Variants in TUBD1 observed in about 807,000 individuals in gnomAD.
TUBD1 encodes tubulin delta 1, also known as tubulin delta chain.
Under a neutral mutation model 51.2 loss-of-function variants are expected in TUBD1, and 38 were observed. The ratio of observed to expected loss-of-function variants is 0.74; its 90% CI spans 0.57 to 0.97. TUBD1 has a LOEUF of 0.97. Ranked by LOEUF, TUBD1 falls within the 50% of genes least tolerant of loss-of-function variation. The probability of loss-of-function intolerance (pLI) is 0.00; values close to 1 mark genes in which losing one functional copy is unlikely to be tolerated. For missense variants in TUBD1, 489 were observed against 538.4 expected (o/e 0.91, Z 0.91); for synonymous variants, 169 against 178.2 (o/e 0.95, Z 0.41).
Position 59,863,679 on chromosome 17 carries a change from T to A in TUBD1, c.1244A>T (p.Asn415Ile). ...PLDMIVGKAW[N>I]MFASKAYIHQ... ...TTATACTTACTTTGAAGCAAACATA[T>A]TCCATGCCTTCCCAACAATCATATC... The change falls in exon 8 of 9, where the codon AAT becomes ATT. Residue 415 changes from asparagine (N) to isoleucine (I), a missense_variant. Physicochemically the swap from Asn to Ile is moderately radical, Grantham distance 149. Transcript: ENST00000325752. 6.3e-7 allele frequency: 1 copy of A among 1,576,802 alleles called. No individual in the cohort carries two copies. The highest frequency in any genetic ancestry group is 8.6e-7 in the Non-Finnish European group (1 of 1,167,264).
chr17:59,869,375 C>A (rs1205541030), intron 6 of TUBD1, among the ~76,000 whole-genome samples: 1 of 150,998 alleles, frequency 6.6e-6, no homozygotes, highest in Non-Finnish European at 1.5e-5. Context: ...ATTTGGGAGG[C>A]TGAGGCAAAA....
chr17:59,878,489 C>CTTT (rs71370137), intron 4 of TUBD1, 155 bp from the exon 5 acceptor site: 328 of 463,320 alleles, frequency 7.1e-4, no homozygotes, highest in Middle Eastern at 1.2e-3. Flanking sequence ...GCTCAGTTTC[C>CTTT]TTTTTTTTTT....
intron 6 of TUBD1, among the ~76,000 whole-genome samples, chr17:59,868,607 A>AGG (rs538742262): frequency 6.6e-6 from 1 of 151,556 alleles, no homozygotes; most frequent in African/African-American, 2.4e-5. Flanking sequence ...TGCGAGGCAG[A>AGG]GGGGGGGGAT....
chr17:59,865,296 C>A (rs978505599), intron 7 of TUBD1, among the ~76,000 whole-genome samples: 5 of 152,108 alleles, frequency 3.3e-5, no homozygotes, highest in African/African-American at 4.8e-5. Flanking sequence ...GTGGCTCACA[C>A]CTGTAATCCC....
At chr17:59,886,941 T>C (rs1273377497) in intron 2 of TUBD1, among the ~76,000 whole-genome samples, 1 of 151,736 alleles carries the variant, frequency 6.6e-6, no homozygotes, top group Non-Finnish European at 1.5e-5. Context: ...TCCCAGCACT[T>C]TGGGAGGCCG....
chr17:59,863,871 G>T, intron 7 of TUBD1, 24 bp from the exon 8 acceptor site: 1 of 1,438,886 alleles, frequency 6.9e-7, no homozygotes, highest in Non-Finnish European at 9.2e-7. Flanking sequence ...AAGATAAGCC[G>T]TCTTTTTATA....
At chr17:59,874,445 A>G in intron 6 of TUBD1, 94 bp downstream of exon 6, 1 of 1,245,380 alleles carries the variant, frequency 8.0e-7, no homozygotes. Context: ...AAAAGGGACC[A>G]TTATTTAAAC....
chr17:59,892,026 GAAGAA>G, intron 1 of TUBD1: 1 of 152,126 alleles, frequency 6.6e-6, no homozygotes, highest in Admixed American at 6.6e-5. Context: ...AATGCTGATT[GAAGAA>G]ATTAGTAGTA....
Position 59,860,316 on chromosome 17 carries a change from T to C in TUBD1, c.*6A>G. 6.3e-7 allele frequency: 1 copy of C among 1,585,914 alleles called. No homozygotes were observed. The highest frequency in any genetic ancestry group is 8.6e-7 in the Non-Finnish European group (1 of 1,159,150). Reference sequence around the variant, plus strand: ...CCTTAAGGTATACTTTTCCCATTGTTCAAGATCAGAGATTACAGTAACTGG... The same window carrying C: ...CCTTAAGGTATACTTTTCCCATTGTCCAAGATCAGAGATTACAGTAACTGG... On this transcript the variant is annotated 3_prime_UTR_variant, in exon 9 of 9. Transcript: ENST00000325752.
At chr17:59,875,592 T>G (rs2040189654) in intron 5 of TUBD1, among the ~76,000 whole-genome samples, 1 of 151,724 alleles carries the variant, frequency 6.6e-6, no homozygotes, top group African/African-American at 2.4e-5. Flanking sequence ...AAACACTGTT[T>G]CTATTAAAAA....
rs751041526 is a variant in TUBD1, at chr17:59,886,219, G to C, written c.184C>G (p.Arg62Gly). The C allele has an allele frequency of 2.5e-6, 4 of 1,611,124 alleles. No individual in the cohort carries two copies. Among genetic ancestry groups the C allele is most frequent in the African/African-American group, 2.7e-5 (2 of 74,620 alleles). Residue 62 changes from arginine (R) to glycine (G), a missense_variant, in exon 3 of 9, where the codon CGG (arginine) becomes GGG (glycine). Physicochemically the swap from Arg to Gly is moderately radical, Grantham distance 125 (BLOSUM62 -2). Transcript: ENST00000325752. ...GGTTCCATGTCAACAAGAACAGCCCGGGCAATTGGAACTAGAGGGGGAAAA... is the reference window on the plus strand; with the variant it reads ...GGTTCCATGTCAACAAGAACAGCCCCGGCAATTGGAACTAGAGGGGGAAAA... ...SEEENGVPIA[R>G]AVLVDMEPKV... is the part of the protein sequence containing the mutation.
intron 1 of TUBD1, among the ~76,000 whole-genome samples, chr17:59,892,462 T>C (rs1487410389): frequency 6.6e-6 from 1 of 152,180 alleles, no homozygotes; most frequent in African/African-American, 2.4e-5. Context: ...GATAAAGACT[T>C]CACATCAGGT....
At chr17:59,873,899 G>T (rs781470309) in intron 6 of TUBD1, among the ~76,000 whole-genome samples, 15 of 148,840 alleles carry the variant, frequency 1.0e-4, no homozygotes, top group Admixed American at 8.8e-4. Flanking sequence ...AAAATACTGA[G>T]ATATAATTGG....
chr17:59,875,798 G>C (rs1252515794), intron 5 of TUBD1, among the ~76,000 whole-genome samples: 1 of 151,680 alleles, frequency 6.6e-6, no homozygotes, highest in Admixed American at 6.6e-5. Flanking sequence ...GACAAGATTA[G>C]ATATTCCTTA....
intron 6 of TUBD1, among the ~76,000 whole-genome samples, chr17:59,874,188 C>CA (rs78920820): frequency 0.31 from 21,993 of 70,002 alleles, 2,990 homozygotes; most frequent in East Asian, 0.52. Flanking sequence ...GACTCAGTCT[C>CA]AAAAAAAAAA....
intron 8 of TUBD1, among the ~76,000 whole-genome samples, chr17:59,860,629 T>C (rs1332553964): frequency 6.6e-6 from 1 of 151,034 alleles, no homozygotes; most frequent in Admixed American, 6.6e-5. Flanking sequence ...CTCTGTCACC[T>C]AGGCTGGAGT....
In TUBD1 at chr17:59,886,225, T is replaced by C. The variant is rs370691365; in HGVS notation, c.178A>G (p.Ile60Val). ...ATGTCAACAAGAACAGCCCGGGCAA[T>C]TGGAACTAGAGGGGGAAAAAAACCC... ...FFSEEENGVPIARAVLVDMEP... is the reference protein window; with the variant it reads ...FFSEEENGVPVARAVLVDMEP... Residue 60 changes from isoleucine (I) to valine (V), a missense_variant, in exon 3 of 9, where the codon ATT becomes GTT. Coordinates refer to ENST00000325752, the MANE Select transcript of TUBD1 (RefSeq NM_016261.4). The C allele has an allele frequency of 1.4e-5, 23 of 1,611,296 alleles. No individual in the cohort carries two copies. Among genetic ancestry groups the C allele is most frequent in the East Asian group, 4.5e-5 (2 of 44,834 alleles).
At chr17:59,879,788 T>A (rs986701666) in intron 4 of TUBD1, among the ~76,000 whole-genome samples, 1 of 150,596 alleles carries the variant, frequency 6.6e-6, no homozygotes, top group African/African-American at 2.4e-5. Flanking sequence ...AGTCTTGCTC[T>A]TGTTGCCCAG....
chr17:59,880,523 A>T (rs908070551), intron 4 of TUBD1, among the ~76,000 whole-genome samples: 49 of 151,110 alleles, frequency 3.2e-4, no homozygotes, highest in South Asian at 2.1e-4. Flanking sequence ...TTATTTATTT[A>T]TTTTTTTTTG....
Sources: allele counts gnomAD v4.1 joint callset (sites outside exome capture counted in the v4.1 genomes callset), GRCh38; gene constraint gnomAD v4.1.1; transcripts MANE v1.5; gene names NCBI Gene and HGNC (gene_info 2026-07-23, HGNC 2026-07-21).